Variants in ATP6V1B2 observed in about 807,000 individuals in gnomAD.
ATP6V1B2 encodes the protein V-type proton ATPase subunit B, brain isoform.
A neutral mutation model predicts 66.7 loss-of-function variants in ATP6V1B2; 23 were observed. The observed-to-expected ratio is 0.34, with a 90% confidence interval of 0.25 to 0.49. ATP6V1B2 has a LOEUF of 0.49. Ranked by LOEUF, ATP6V1B2 falls within the 20% of genes least tolerant of loss-of-function variation. The pLI, the probability that ATP6V1B2 is intolerant of heterozygous loss-of-function variation, is 0.99. For missense variants in ATP6V1B2, 478 were observed against 650.8 expected, an observed-to-expected ratio of 0.73 and a Z score of 2.89; for synonymous variants, 278 against 236.7, an observed-to-expected ratio of 1.17 and a Z score of -1.60.
At position 20,221,264 on chromosome 8, in the gene ATP6V1B2, G is replaced by A. The variant is rs1349966037; in HGVS notation, c.*862G>A. 6.6e-6 allele frequency: 1 copy of A among 152,196 alleles called. No individual in the cohort carries two copies. Among genetic ancestry groups the A allele is most frequent in the East Asian group, 1.9e-4 (1 of 5,196 alleles). 9.4% of individuals were successfully genotyped at this position (152,196 alleles called of 1,614,324 possible). ...TCTAAAGTGTTTACCAGATGCTGAA[G>A]GCAAGGGGAGGGAGCAGAAGCACTT... On this transcript the variant is annotated 3_prime_UTR_variant, in exon 14 of 14. Coordinates refer to ENST00000276390, the MANE Select transcript of ATP6V1B2 (RefSeq NM_001693.4).
chr8:20,214,784 G>A (rs758373895), intron 9 of ATP6V1B2, 34 bp from the exon 10 acceptor site: 42 of 1,579,676 alleles, frequency 2.7e-5, no homozygotes, highest in South Asian at 6.9e-5. Flanking sequence ...TTGTAATATC[G>A]TGCATGATAC....
intron 2 of ATP6V1B2, among the ~76,000 whole-genome samples, chr8:20,205,453 G>A (rs1364991548): frequency 6.6e-6 from 1 of 152,084 alleles, no homozygotes; most frequent in Non-Finnish European, 1.5e-5. Flanking sequence ...AGGCAGTTAG[G>A]GTGCTGTGAA....
rs371904611 is a variant in ATP6V1B2 at position 20,210,367 on chromosome 8, A to G, written c.313A>G (p.Ile105Val). ...VVQVFEGTSG[I>V]DAKKTSCEFT... ...ATAGGTATTTGAAGGGACTTCAGGT[A>G]TAGATGCTAAGAAAACGTCCTGTGA... The change falls in exon 4 of 14, where the codon ATA (isoleucine) becomes GTA (valine). Residue 105 changes from isoleucine (I) to valine (V), a missense_variant. Transcript: ENST00000276390. 12 of 1,613,108 alleles carry G rather than the reference A, an allele frequency of 7.4e-6. No homozygotes were observed. The highest frequency in any genetic ancestry group is 6.7e-5 in the African/African-American group (5 of 74,894).
intron 1 of ATP6V1B2, chr8:20,204,106 T>G: frequency 2.3e-6 from 1 of 430,490 alleles, no homozygotes; most frequent in Non-Finnish European, 4.6e-6. Flanking sequence ...CCCCTGTTTC[T>G]GCTGTGCTCC....
At chr8:20,212,970 C>G in intron 9 of ATP6V1B2, 65 bp downstream of exon 9, 1 of 1,590,520 alleles carries the variant, frequency 6.3e-7, no homozygotes, top group Non-Finnish European at 8.6e-7. Context: ...TAACTTGTCA[C>G]TTTGCAAGTT....
chr8:20,218,451 A>G (rs1175875015), intron 13 of ATP6V1B2, among the ~76,000 whole-genome samples, 169 bp downstream of exon 13: 1 of 152,066 alleles, frequency 6.6e-6, no homozygotes, highest in Non-Finnish European at 1.5e-5. Context: ...TCTGCCTTCT[A>G]AACATCTTGG....
intron 13 of ATP6V1B2, among the ~76,000 whole-genome samples, chr8:20,218,827 G>T (rs2072880475): frequency 6.6e-6 from 1 of 152,076 alleles, no homozygotes; most frequent in African/African-American, 2.4e-5. Flanking sequence ...ATCTCCAGCT[G>T]CCTTAGGAAC....
At chr8:20,208,055 A>T (rs1201108382) in intron 2 of ATP6V1B2, among the ~76,000 whole-genome samples, 1 of 152,220 alleles carries the variant, frequency 6.6e-6, no homozygotes. Flanking sequence ...AAAAGCATAG[A>T]TTGGCAAAGA....
In ATP6V1B2 at chr8:20,197,445, C is replaced by A; in HGVS notation, c.39C>A (p.Ala13=). Residue 13 remains alanine, a synonymous_variant, in exon 1 of 14, where the codon GCC becomes GCA. Transcript: ENST00000276390. ...CGATGCGGGGGATTGTCAACGGGGC[C>A]GCACCCGAGCTACCCGTGCCCACCG... ...LRAMRGIVNG[A]APELPVPTGG... The A allele has an allele frequency of 1.9e-6, 3 of 1,543,472 alleles. No individual in the cohort carries two copies.
In ATP6V1B2 at chr8:20,214,969, G is replaced by A. The variant is rs112894812; in HGVS notation, c.1078+1G>A. On this transcript the variant is annotated splice_donor_variant, in intron 10 of 13. Transcript: ENST00000276390. LOFTEE classifies it high-confidence loss of function. The stretch of plus-strand genomic sequence containing the variant: ...CCTATTCTAACCATGCCTAATGATG[G>A]TAAGTTTTGGTATTTGGATTATAAC... 6.2e-7 allele frequency: 1 copy of A among 1,612,296 alleles called. No individual in the cohort carries two copies. Among genetic ancestry groups the A allele is most frequent in the Non-Finnish European group, 8.5e-7 (1 of 1,179,034 alleles).
intron 1 of ATP6V1B2, among the ~76,000 whole-genome samples, chr8:20,203,057 A>G (rs567089765): frequency 3.0e-4 from 45 of 152,358 alleles, no homozygotes; most frequent in Middle Eastern, 3.4e-3. Flanking sequence ...CAATCATTTT[A>G]AAACAGTAGG....
intron 2 of ATP6V1B2, among the ~76,000 whole-genome samples, chr8:20,208,512 A>T (rs753062149): frequency 1.3e-5 from 2 of 152,180 alleles, no homozygotes; most frequent in Non-Finnish European, 2.9e-5. Flanking sequence ...TGTTAATATC[A>T]GGTCAAGTGA....
At chr8:20,202,962 T>C (rs1055116455) in intron 1 of ATP6V1B2, among the ~76,000 whole-genome samples, 9 of 152,170 alleles carry the variant, frequency 5.9e-5, no homozygotes, top group African/African-American at 2.2e-4. Flanking sequence ...TAGAAAGCCA[T>C]TGTAAAAAAA....
intron 1 of ATP6V1B2, among the ~76,000 whole-genome samples, chr8:20,203,010 C>A (rs902726209): frequency 3.9e-5 from 6 of 152,092 alleles, no homozygotes; most frequent in African/African-American, 1.2e-4. Context: ...ATGAAGAAAT[C>A]TTTTAAAGGG....
At chr8:20,198,911 T>C (rs1452138935) in intron 1 of ATP6V1B2, among the ~76,000 whole-genome samples, 2 of 152,240 alleles carry the variant, frequency 1.3e-5, no homozygotes, top group South Asian at 2.1e-4. Flanking sequence ...TGCATTCTTA[T>C]GCAAACCTTG....
chr8:20,203,340 C>T (rs914039203), intron 1 of ATP6V1B2, among the ~76,000 whole-genome samples: 1 of 152,190 alleles, frequency 6.6e-6, no homozygotes, highest in Non-Finnish European at 1.5e-5. Context: ...TCTGTCCCAG[C>T]ATTTTTACCA....
chr8:20,204,076 T>A, intron 1 of ATP6V1B2: 10 of 449,592 alleles, frequency 2.2e-5, no homozygotes, highest in Non-Finnish European at 8.9e-6. Context: ...TTTACTTTTC[T>A]CCCTGAGGTG....
rs1388631295 is a variant in ATP6V1B2, at chr8:20,216,387, T to G, written c.1079-26T>G. 10 of 1,593,228 alleles carry G rather than the reference T, an allele frequency of 6.3e-6. No individual in the cohort carries two copies. The highest frequency in any genetic ancestry group is 8.6e-6 in the Non-Finnish European group (10 of 1,161,962). ...ACTCATAACCTAAAGATGCCATGCTTAATGCCAACTGTCTTCCTCTGGTAG... is the reference window on the plus strand; with the variant it reads ...ACTCATAACCTAAAGATGCCATGCTGAATGCCAACTGTCTTCCTCTGGTAG... On this transcript the variant is annotated intron_variant, in intron 10 of 13. Coordinates refer to ENST00000276390, the MANE Select transcript of ATP6V1B2 (RefSeq NM_001693.4).
chr8:20,216,922 C>T (rs887396290), intron 11 of ATP6V1B2: 8 of 307,560 alleles, frequency 2.6e-5, no homozygotes, highest in Non-Finnish European at 4.9e-5. Flanking sequence ...CATTTTGACT[C>T]GATAATGTGG....
Sources: allele counts gnomAD v4.1 joint callset (sites outside exome capture counted in the v4.1 genomes callset), GRCh38; gene constraint gnomAD v4.1.1; transcripts MANE v1.5; gene names NCBI Gene and HGNC (gene_info 2026-07-23, HGNC 2026-07-21).